Variants in CAMK2D observed in about 807,000 individuals in gnomAD.
CAMK2D encodes the protein calcium/calmodulin-dependent protein kinase type II subunit delta.
Under a neutral mutation model 84.0 loss-of-function variants are expected in CAMK2D, and 37 were observed. That is an observed-to-expected ratio of 0.44 (90% CI 0.34 to 0.58). The LOEUF is 0.58. Among genes scored for constraint, CAMK2D ranks in the 20% least tolerant of loss-of-function variants. CAMK2D has a pLI of 0.02. For missense variants in CAMK2D, 448 were observed against 652.5 expected (o/e 0.69, Z 3.41); for synonymous variants, 202 against 212.5 (o/e 0.95, Z 0.43).
chr4:113,632,874 A>G (rs1319986808), intron 3 of CAMK2D, among the ~76,000 whole-genome samples: 1 of 152,174 alleles, frequency 6.6e-6, no homozygotes, highest in Non-Finnish European at 1.5e-5. Flanking sequence ...AAAGTACTAA[A>G]AAGCATCATA....
At chr4:113,721,313 T>C (rs2099529829) in intron 2 of CAMK2D, among the ~76,000 whole-genome samples, 1 of 152,154 alleles carries the variant, frequency 6.6e-6, no homozygotes, top group Admixed American at 6.5e-5. Context: ...CAAATAAAGC[T>C]TTTCATAAAA....
At chr4:113,493,282 G>A (rs1274902787) in intron 16 of CAMK2D, among the ~76,000 whole-genome samples, 11 of 151,952 alleles carry the variant, frequency 7.2e-5, no homozygotes, top group African/African-American at 2.2e-4. Flanking sequence ...GGCTGGTACC[G>A]GTTGTTCCTT....
chr4:113,706,980 G>C (rs1368719831), intron 2 of CAMK2D, among the ~76,000 whole-genome samples: 1 of 151,092 alleles, frequency 6.6e-6, no homozygotes, highest in Non-Finnish European at 1.5e-5. Context: ...CTGTCATTTT[G>C]CAAAATAATA....
At chr4:113,741,375 T>G (rs72678801) in intron 2 of CAMK2D, among the ~76,000 whole-genome samples, 1 of 152,204 alleles carries the variant, frequency 6.6e-6, no homozygotes. Flanking sequence ...AAAAGTTACA[T>G]GCACAGAATA....
chr4:113,665,867 A>G (rs954556223), intron 2 of CAMK2D, among the ~76,000 whole-genome samples: 1 of 152,218 alleles, frequency 6.6e-6, no homozygotes, highest in Non-Finnish European at 1.5e-5. Context: ...ATACATCATC[A>G]TTTGGTTTTG....
At position 113,515,209 on chromosome 4, in the gene CAMK2D, T is replaced by C; in HGVS notation, c.697-18A>G. The C allele has an allele frequency of 1.9e-6, 3 of 1,567,060 alleles. No individual in the cohort carries two copies. Among genetic ancestry groups the C allele is most frequent in the Non-Finnish European group, 2.6e-6 (3 of 1,155,220 alleles). ...GATGGAAACTTCAAAAATATAAATT[T>C]ATAAAAAGTTTAAAAAATAGACACA... On this transcript the variant is annotated intron_variant, in intron 9 of 20. Coordinates refer to ENST00000511664, the MANE Select transcript of CAMK2D (RefSeq NM_001321571.2).
At chr4:113,741,987 T>C (rs1343967227) in intron 2 of CAMK2D, among the ~76,000 whole-genome samples, 5 of 152,204 alleles carry the variant, frequency 3.3e-5, no homozygotes, top group African/African-American at 4.8e-5. Flanking sequence ...GTAACTCCAA[T>C]GAGGTCATTA....
At chr4:113,511,356 A>C (rs1045482242) in intron 12 of CAMK2D, among the ~76,000 whole-genome samples, 5 of 152,154 alleles carry the variant, frequency 3.3e-5, no homozygotes, top group Admixed American at 3.3e-4. Flanking sequence ...TATAAAATTC[A>C]CATATTAGTC....
At chr4:113,655,090 G>A (rs1258844692) in intron 3 of CAMK2D, among the ~76,000 whole-genome samples, 1 of 151,950 alleles carries the variant, frequency 6.6e-6, no homozygotes, top group Non-Finnish European at 1.5e-5. Context: ...ACCAAAGTAA[G>A]ATGCATTACC....
chr4:113,510,708 T>C (rs1376819620), intron 12 of CAMK2D, among the ~76,000 whole-genome samples: 2 of 152,148 alleles, frequency 1.3e-5, no homozygotes, highest in Non-Finnish European at 2.9e-5. Context: ...GAATAGAATT[T>C]GGCTTCGAAA....
intron 2 of CAMK2D, among the ~76,000 whole-genome samples, chr4:113,711,165 AAT>A (rs555307420): frequency 5.4e-5 from 8 of 149,258 alleles, no homozygotes; most frequent in African/African-American, 1.7e-4. Flanking sequence ...TATATTAGTA[AAT>A]CTATAAATAT....
At chr4:113,753,254 CT>C (rs1477503967) in intron 2 of CAMK2D, among the ~76,000 whole-genome samples, 1 of 151,772 alleles carries the variant, frequency 6.6e-6, no homozygotes, top group Non-Finnish European at 1.5e-5. Context: ...ATAGAAGGGG[CT>C]CTTCAAATAA....
chr4:113,694,185 G>C (rs1231174913), intron 2 of CAMK2D, among the ~76,000 whole-genome samples: 1 of 152,136 alleles, frequency 6.6e-6, no homozygotes, highest in Admixed American at 6.6e-5. Flanking sequence ...GATATCATCT[G>C]ACCTCAAACT....
rs190249312 is a variant in CAMK2D, at chr4:113,699,876, G to C, written c.161-38104C>G. 1.1e-3 allele frequency among the ~76,000 whole-genome samples: 164 copies of C among 152,182 alleles called. 3 individuals are homozygous for C. The highest frequency in any genetic ancestry group is 2.1e-3 in the Non-Finnish European group (146 of 67,996). On this transcript the variant is annotated intron_variant, in intron 2 of 20. Coordinates refer to ENST00000511664, the MANE Select transcript of CAMK2D (RefSeq NM_001321571.2). ...CAGTCATTCTTTTAGAAAACTACTA[G>C]GTACTTTGATAATACAAATGTTCCT...
intron 2 of CAMK2D, among the ~76,000 whole-genome samples, chr4:113,682,852 G>A (rs2099349600): frequency 6.6e-6 from 1 of 152,080 alleles, no homozygotes; most frequent in Admixed American, 6.6e-5. Flanking sequence ...AAGTTTTGCT[G>A]GATGAAATAA....
chr4:113,560,247 T>A (rs959857538), intron 4 of CAMK2D, among the ~76,000 whole-genome samples: 1 of 151,898 alleles, frequency 6.6e-6, no homozygotes, highest in African/African-American at 2.4e-5. Context: ...TTTTTTTTCC[T>A]GAAAATACAA....
At position 113,537,337 on chromosome 4, in the gene CAMK2D, T is replaced by G; in HGVS notation, c.517+4A>C. On this transcript the variant is annotated splice_donor_region_variant and intron_variant, in intron 7 of 20. Transcript: ENST00000511664. Reference sequence around the variant, plus strand: ...GGTAGCATGAAGGAGGGGGCCCTACTCACCAAACCACGCCTGCTGGTCCCC... The same window carrying G: ...GGTAGCATGAAGGAGGGGGCCCTACGCACCAAACCACGCCTGCTGGTCCCC... 6.5e-7 allele frequency: 1 copy of G among 1,546,886 alleles called. No individual in the cohort carries two copies. Among genetic ancestry groups the G allele is most frequent in the Non-Finnish European group, 8.9e-7 (1 of 1,119,610 alleles).
rs142198780 is a variant in CAMK2D, at chr4:113,606,327, C to T, written c.275+2825G>A. ...CTACTAAAAATACAAAAAAATTAGC[C>T]GGCATGGTGGCGCGCGCCTGTAATC... On this transcript the variant is annotated intron_variant, in intron 4 of 20. Coordinates refer to ENST00000511664, the MANE Select transcript of CAMK2D (RefSeq NM_001321571.2). 4.4e-3 allele frequency among the ~76,000 whole-genome samples: 670 copies of T among 151,578 alleles called. 7 individuals are homozygous for T. The highest frequency in any genetic ancestry group is 0.015 in the African/African-American group (617 of 41,382).
chr4:113,623,640 T>C (rs1448864315), intron 3 of CAMK2D, among the ~76,000 whole-genome samples: 1 of 152,174 alleles, frequency 6.6e-6, no homozygotes, highest in African/African-American at 2.4e-5. Flanking sequence ...TAGCATCTGC[T>C]TATCTGAGCA....
Sources: allele counts gnomAD v4.1 joint callset (sites outside exome capture counted in the v4.1 genomes callset), GRCh38; gene constraint gnomAD v4.1.1; transcripts MANE v1.5; gene names NCBI Gene and HGNC (gene_info 2026-07-23, HGNC 2026-07-21).